Variants in CAMK1D observed in about 807,000 individuals in gnomAD.
CAMK1D encodes the protein calcium/calmodulin-dependent protein kinase type 1D.
CAMK1D carries 9 observed loss-of-function variants against 47.7 expected under a neutral mutation model. That is an observed-to-expected ratio of 0.19 (90% CI 0.11 to 0.33). CAMK1D has a LOEUF of 0.33. CAMK1D is among the 10% of genes least tolerant of loss of function. CAMK1D has a pLI of 1.00. For synonymous variants in CAMK1D, 184 were observed against 184.9 expected (o/e 0.99, Z 0.04); for missense variants, 291 against 488.7 (o/e 0.60, Z 3.81).
intron 3 of CAMK1D, among the ~76,000 whole-genome samples, chr10:12,755,688 G>A (rs1000203322): frequency 6.6e-5 from 10 of 151,900 alleles, no homozygotes; most frequent in South Asian, 2.1e-4. Context: ...TTTAATGATC[G>A]CCATTCTAAC....
intron 1 of CAMK1D, among the ~76,000 whole-genome samples, chr10:12,542,283 G>A (rs1836221877): frequency 6.6e-6 from 1 of 152,210 alleles, no homozygotes; most frequent in South Asian, 2.1e-4. Context: ...CGGAGGCTGG[G>A]GGGTAACGTC....
At chr10:12,392,799 C>T (rs921761094) in intron 1 of CAMK1D, among the ~76,000 whole-genome samples, 5 of 152,076 alleles carry the variant, frequency 3.3e-5, no homozygotes, top group African/African-American at 4.8e-5. Context: ...TCTCCCCAAC[C>T]CCCTGACCCC....
At chr10:12,476,880 G>A (rs905558721) in intron 1 of CAMK1D, among the ~76,000 whole-genome samples, 2 of 152,128 alleles carry the variant, frequency 1.3e-5, no homozygotes, top group African/African-American at 4.8e-5. Context: ...TCTGCTCCAG[G>A]TCCTGTTATG....
chr10:12,391,920 A>T (rs1434073044), intron 1 of CAMK1D, among the ~76,000 whole-genome samples: 2 of 151,768 alleles, frequency 1.3e-5, no homozygotes, highest in Admixed American at 6.6e-5. Flanking sequence ...AAATCAGATA[A>T]ATGGTAATTG....
chr10:12,409,858 C>T (rs527510223), intron 1 of CAMK1D, among the ~76,000 whole-genome samples: 10 of 152,314 alleles, frequency 6.6e-5, no homozygotes, highest in East Asian at 3.9e-4. Context: ...GCGGTAGCTC[C>T]GCAGTACCTC....
chr10:12,441,821 ACT>A (rs1368298318), intron 1 of CAMK1D, among the ~76,000 whole-genome samples: 3 of 151,362 alleles, frequency 2.0e-5, no homozygotes, highest in African/African-American at 7.3e-5. Flanking sequence ...AAAAAGTCAA[ACT>A]CTTCCCCGCA....
At chr10:12,755,295 G>A (rs552209746) in intron 3 of CAMK1D, among the ~76,000 whole-genome samples, 1 of 152,300 alleles carries the variant, frequency 6.6e-6, no homozygotes, top group South Asian at 2.1e-4. Flanking sequence ...ACGATTATAG[G>A]CACCAGTGTG....
chr10:12,719,718 C>T (rs11257958), intron 3 of CAMK1D, among the ~76,000 whole-genome samples: 1 of 152,222 alleles, frequency 6.6e-6, no homozygotes, highest in Non-Finnish European at 1.5e-5. Context: ...CCCTGCCACT[C>T]TTACTCCTCC....
At chr10:12,564,147 G>GTCTCTCTCTC (rs56063700) in intron 2 of CAMK1D, among the ~76,000 whole-genome samples, 18 of 139,722 alleles carry the variant, frequency 1.3e-4, no homozygotes, top group East Asian at 6.8e-4. Context: ...CTCTCTCTCT[G>GTCTCTCTCTC]TCTCTCTCTC....
At chr10:12,648,310 T>C (rs1367339226) in intron 2 of CAMK1D, among the ~76,000 whole-genome samples, 1 of 152,198 alleles carries the variant, frequency 6.6e-6, no homozygotes, top group Non-Finnish European at 1.5e-5. Context: ...AAAATGTTCC[T>C]GATTCCCAGG....
chr10:12,645,952 T>C lies in CAMK1D; in HGVS notation c.225-20784T>C, dbSNP rs889958621. Among the ~76,000 whole-genome samples the C allele has an allele frequency of 3.0e-4, 46 of 151,294 alleles. 1 individual carries two copies. The highest frequency in any genetic ancestry group is 1.0e-4 in the Non-Finnish European group (7 of 67,898). On this transcript the variant is annotated intron_variant, in intron 2 of 10. Transcript: ENST00000619168. ...TACTACTGGAAGAATTTCTGTGATT[T>C]CTCATAAATGGCTAGTTGTTTTTTT... is the stretch of plus-strand genomic sequence containing the variant.
intron 3 of CAMK1D, among the ~76,000 whole-genome samples, chr10:12,691,532 A>G (rs1407982795): frequency 6.8e-6 from 1 of 147,758 alleles, no homozygotes. Context: ...TCCGGGATTC[A>G]AGGAATTCTC....
chr10:12,511,785 G>T (rs1835048249), intron 1 of CAMK1D, among the ~76,000 whole-genome samples: 1 of 152,236 alleles, frequency 6.6e-6, no homozygotes, highest in Non-Finnish European at 1.5e-5. Flanking sequence ...AGAAGGATCG[G>T]CTCTCCTGGA....
In CAMK1D at chr10:12,647,043, G is replaced by A. The variant is rs184938560; in HGVS notation, c.225-19693G>A. ...GTTTTAGTAGAGATGGGGTTTCACCGTGTTGGCCAGGCTGGTCTCGAACTC... is the reference window on the plus strand; with the variant it reads ...GTTTTAGTAGAGATGGGGTTTCACCATGTTGGCCAGGCTGGTCTCGAACTC... On this transcript the variant is annotated intron_variant, in intron 2 of 10. Coordinates refer to ENST00000619168, the MANE Select transcript of CAMK1D (RefSeq NM_153498.4). 1.0e-2 allele frequency among the ~76,000 whole-genome samples: 1,505 copies of A among 151,194 alleles called. 21 individuals carry two copies. Among genetic ancestry groups the A allele is most frequent in the African/African-American group, 0.035 (1,423 of 41,200 alleles).
At chr10:12,821,364 T>C (rs1302266585) in intron 8 of CAMK1D, among the ~76,000 whole-genome samples, 2 of 152,224 alleles carry the variant, frequency 1.3e-5, no homozygotes, top group African/African-American at 4.8e-5. Flanking sequence ...TTCACATTCC[T>C]GAGTGTTCGC....
chr10:12,718,755 G>GT (rs1382739391), intron 3 of CAMK1D, among the ~76,000 whole-genome samples: 2 of 152,038 alleles, frequency 1.3e-5, no homozygotes, highest in African/African-American at 2.4e-5. Context: ...GGCTCTTTTG[G>GT]TTTTTTTCAT....
chr10:12,722,579 A>G (rs1279639070), intron 3 of CAMK1D, among the ~76,000 whole-genome samples: 1 of 152,066 alleles, frequency 6.6e-6, no homozygotes, highest in Non-Finnish European at 1.5e-5. Context: ...GGAGAAAATG[A>G]TACTTCATAG....
At chr10:12,396,749 G>T (rs749356933) in intron 1 of CAMK1D, among the ~76,000 whole-genome samples, 1 of 152,172 alleles carries the variant, frequency 6.6e-6, no homozygotes, top group Non-Finnish European at 1.5e-5. Flanking sequence ...GCTGTTGCTG[G>T]TTCAGCTTAG....
At chr10:12,536,704 A>G (rs1835983064) in intron 1 of CAMK1D, among the ~76,000 whole-genome samples, 1 of 152,170 alleles carries the variant, frequency 6.6e-6, no homozygotes. Flanking sequence ...TACCCAAACA[A>G]TGTAGCGGTT....
Sources: allele counts gnomAD v4.1 joint callset (sites outside exome capture counted in the v4.1 genomes callset), GRCh38; gene constraint gnomAD v4.1.1; transcripts MANE v1.5; gene names NCBI Gene and HGNC (gene_info 2026-07-23, HGNC 2026-07-21).